CNTLN: variants seen among roughly 807,000 people sequenced by gnomAD.
CNTLN encodes centlein, centrosomal protein.
CNTLN carries 212 observed loss-of-function variants against 180.0 expected under a neutral mutation model. The observed-to-expected ratio is 1.18, with a 90% CI of 1.05 to 1.32. The LOEUF is 1.32. CNTLN is among the 40% of genes most tolerant of loss of function. The pLI is 0.00. For missense variants in CNTLN, 2,095 were observed against 1,610.9 expected (o/e 1.30, Z -5.14); for synonymous variants, 722 against 563.1 (o/e 1.28, Z -3.99).
At chr9:17,207,825 T>C (rs558258170) in intron 2 of CNTLN, among the ~76,000 whole-genome samples, 215 of 152,292 alleles carry the variant, frequency 1.4e-3, no homozygotes, top group African/African-American at 4.7e-3. Context: ...CTTTTTATCA[T>C]GCAACTTTAC....
chr9:17,140,443 G>GT (rs1024881514), intron 1 of CNTLN, among the ~76,000 whole-genome samples: 6 of 149,578 alleles, frequency 4.0e-5, no homozygotes, highest in African/African-American at 1.2e-4. Flanking sequence ...TAATGGTTAT[G>GT]TTTTTTTCTT....
At chr9:17,215,361 A>G (rs1823664574) in intron 2 of CNTLN, among the ~76,000 whole-genome samples, 1 of 152,226 alleles carries the variant, frequency 6.6e-6, no homozygotes, top group African/African-American at 2.4e-5. Context: ...AGGCTGCAGA[A>G]CAGCGAATTT....
chr9:17,370,670 G>GT (rs1479233515), intron 13 of CNTLN, among the ~76,000 whole-genome samples: 2 of 152,086 alleles, frequency 1.3e-5, no homozygotes, highest in East Asian at 3.9e-4. Flanking sequence ...TTGTAATACC[G>GT]TAACAGTGGT....
At chr9:17,288,446 A>G (rs1829138040) in intron 6 of CNTLN, among the ~76,000 whole-genome samples, 1 of 142,054 alleles carries the variant, frequency 7.0e-6, no homozygotes, top group African/African-American at 2.8e-5. Flanking sequence ...TCAATTTTGG[A>G]ATAGGTGTGG....
intron 10 of CNTLN, among the ~76,000 whole-genome samples, chr9:17,334,420 T>TAC (rs56376464): frequency 0.03 from 4,550 of 149,792 alleles, 135 homozygotes; most frequent in African/African-American, 0.072. Context: ...GCCAATAGAA[T>TAC]ACACACACAC....
chr9:17,268,165 T>C (rs1446422859), intron 5 of CNTLN, among the ~76,000 whole-genome samples: 2 of 152,126 alleles, frequency 1.3e-5, no homozygotes, highest in East Asian at 3.9e-4. Context: ...ATCTTTGTGG[T>C]TTTATCTACT....
chr9:17,148,709 G>A (rs1214287808), intron 2 of CNTLN, among the ~76,000 whole-genome samples: 1 of 152,184 alleles, frequency 6.6e-6, no homozygotes, highest in Non-Finnish European at 1.5e-5. Context: ...CTGAAGCAGA[G>A]TGTCACTTTA....
At chr9:17,156,073 G>A (rs907715011) in intron 2 of CNTLN, among the ~76,000 whole-genome samples, 3 of 152,292 alleles carry the variant, frequency 2.0e-5, no homozygotes, top group East Asian at 1.9e-4. Context: ...ACTGTTCAGC[G>A]AGTCCCAATG....
intron 13 of CNTLN, among the ~76,000 whole-genome samples, chr9:17,367,084 G>C (rs1823887998): frequency 6.6e-6 from 1 of 152,192 alleles, no homozygotes; most frequent in Admixed American, 6.5e-5. Flanking sequence ...GACTGAAAGA[G>C]GCACTGAAGA....
chr9:17,386,295 G>C (rs1825677944), intron 13 of CNTLN, among the ~76,000 whole-genome samples: 1 of 151,694 alleles, frequency 6.6e-6, no homozygotes, highest in Non-Finnish European at 1.5e-5. Flanking sequence ...AAATAACTAT[G>C]AATAAGCAAA....
At chr9:17,260,997 T>C (rs1826924632) in intron 5 of CNTLN, among the ~76,000 whole-genome samples, 1 of 151,356 alleles carries the variant, frequency 6.6e-6, no homozygotes, top group South Asian at 2.1e-4. Context: ...TGTGCAACTT[T>C]ATTTCTGGGT....
intron 18 of CNTLN, among the ~76,000 whole-genome samples, chr9:17,450,158 G>A (rs1160641348): frequency 6.6e-6 from 1 of 152,070 alleles, no homozygotes. Flanking sequence ...AGACAGATTG[G>A]CATTTTCAGA....
In CNTLN at chr9:17,403,030, G is replaced by A. The variant is rs373687794; in HGVS notation, c.2616-6263G>A. Among the ~76,000 whole-genome samples the A allele has an allele frequency of 9.9e-5, 15 of 151,656 alleles. 1 individual carries two copies. Among genetic ancestry groups the A allele is most frequent in the African/African-American group, 1.9e-4 (8 of 41,060 alleles). ...ATTGAGATCAATGTTGAGGGAGTGCGTCAAAAGAGGCATTTTTCAGTATAT... is the reference window on the plus strand; with the variant it reads ...ATTGAGATCAATGTTGAGGGAGTGCATCAAAAGAGGCATTTTTCAGTATAT... On this transcript the variant is annotated intron_variant, in intron 15 of 25. Transcript: ENST00000380647.
chr9:17,248,007 G>C (rs1303166902), intron 5 of CNTLN, among the ~76,000 whole-genome samples: 1 of 151,822 alleles, frequency 6.6e-6, no homozygotes, highest in East Asian at 1.9e-4. Flanking sequence ...ATTATTTGTA[G>C]AGACAGGGTT....
the CNTLN span, among the ~76,000 whole-genome samples, chr9:17,511,700 C>G: frequency 1.3e-5 from 2 of 150,940 alleles, no homozygotes; most frequent in African/African-American, 4.9e-5. Flanking sequence ...ACACACACAC[C>G]AGGAGGGGAT....
At chr9:17,298,408 T>C (rs778043839) in intron 7 of CNTLN, 56 bp downstream of exon 7, 34 of 1,375,196 alleles carry the variant, frequency 2.5e-5, no homozygotes, top group Non-Finnish European at 3.0e-5. Flanking sequence ...CTTATGAACA[T>C]ATATAGAATT....
chr9:17,298,824 TTG>T, intron 7 of CNTLN: 1 of 986,178 alleles, frequency 1.0e-6, no homozygotes, highest in South Asian at 4.7e-5. Flanking sequence ...TCTGTTTATT[TTG>T]TGTGTTTCTG....
At chr9:17,215,568 C>G (rs1202622501) in intron 2 of CNTLN, among the ~76,000 whole-genome samples, 2 of 152,188 alleles carry the variant, frequency 1.3e-5, no homozygotes. Flanking sequence ...AACGACTGCT[C>G]TCTTCAAAGC....
chr9:17,230,385 G>C (rs1368059137), intron 3 of CNTLN, among the ~76,000 whole-genome samples: 1 of 151,820 alleles, frequency 6.6e-6, no homozygotes, highest in East Asian at 1.9e-4. Flanking sequence ...TGATGTGGTG[G>C]TGGGGTGTTG....
Sources: allele counts gnomAD v4.1 joint callset (sites outside exome capture counted in the v4.1 genomes callset), GRCh38; gene constraint gnomAD v4.1.1; transcripts MANE v1.5; gene names NCBI Gene and HGNC (gene_info 2026-07-23, HGNC 2026-07-21).